The following UNC13C variants were observed in gnomAD, a reference collection of about 807,000 sequenced individuals.
UNC13C encodes unc-13 homolog C, also known as protein unc-13 homolog C.
UNC13C carries 174 observed loss-of-function variants against 245.4 expected under a neutral mutation model. The observed-to-expected ratio is 0.71, with a 90% CI of 0.63 to 0.80. The LOEUF (loss-of-function observed/expected upper bound fraction) is 0.80, where lower values mean the gene tolerates loss of function less well. UNC13C is among the 30% of genes least tolerant of loss of function. The pLI is 0.00. For missense variants in UNC13C, 2,829 were observed against 2,602.9 expected, an observed-to-expected ratio of 1.09 and a Z score of -1.89; for synonymous variants, 992 against 895.1, an observed-to-expected ratio of 1.11 and a Z score of -1.93.
intron 17 of UNC13C, among the ~76,000 whole-genome samples, chr15:54,353,618 G>C (rs2039032460): frequency 1.3e-5 from 2 of 152,040 alleles, no homozygotes; most frequent in African/African-American, 4.8e-5. Flanking sequence ...CTAAACCAAT[G>C]GTCAATCATC....
chr15:54,386,778 G>T (rs1360966195), intron 17 of UNC13C, among the ~76,000 whole-genome samples: 1 of 152,150 alleles, frequency 6.6e-6, no homozygotes, highest in East Asian at 1.9e-4. Flanking sequence ...ATATGCCTCT[G>T]TTGCTGCTTT....
intron 10 of UNC13C, among the ~76,000 whole-genome samples, chr15:54,274,450 ATTG>A (rs1304823582): frequency 6.6e-6 from 1 of 152,124 alleles, no homozygotes; most frequent in East Asian, 1.9e-4. Context: ...TGTCATTATG[ATTG>A]TTGTTATCAT....
At position 54,612,467 on chromosome 15, in the gene UNC13C, T is replaced by C. The variant is rs143736591; in HGVS notation, c.6107-9860T>C. 5.3e-5 allele frequency among the ~76,000 whole-genome samples: 8 copies of C among 152,146 alleles called. No individual in the cohort carries two copies. The East Asian group carries it at 1.5e-3, about 29-fold the overall frequency. ...ACAAAACATTTTCCCAGTTGACAGA[T>C]GGATTTACAAATGTTTTTTGTTTTT... On this transcript the variant is annotated intron_variant, in intron 30 of 32. Coordinates refer to ENST00000260323, the MANE Select transcript of UNC13C (RefSeq NM_001080534.3).
intron 19 of UNC13C, among the ~76,000 whole-genome samples, chr15:54,457,194 A>G (rs1408919489): frequency 2.6e-5 from 4 of 152,076 alleles, no homozygotes; most frequent in African/African-American, 7.2e-5. Flanking sequence ...TGACTTGCAT[A>G]TGTTAAACCA....
At chr15:54,515,810 G>A (rs1894948991) in intron 24 of UNC13C, among the ~76,000 whole-genome samples, 1 of 152,146 alleles carries the variant, frequency 6.6e-6, no homozygotes, top group Admixed American at 6.5e-5. Context: ...GTTGACCACA[G>A]GCAGCTCCAT....
At chr15:53,855,918 C>A in the UNC13C span, among the ~76,000 whole-genome samples, 3 of 151,996 alleles carry the variant, frequency 2.0e-5, no homozygotes, top group East Asian at 3.9e-4. Flanking sequence ...GTCCATATGA[C>A]CCTGGGCTTT....
intron 13 of UNC13C, among the ~76,000 whole-genome samples, chr15:54,306,698 T>C (rs1208583221): frequency 2.0e-5 from 3 of 151,990 alleles, no homozygotes; most frequent in Admixed American, 2.0e-4. Flanking sequence ...GGCTAAGATG[T>C]CTCACAAAGT....
chr15:53,935,404 C>T, the UNC13C span, among the ~76,000 whole-genome samples: 1 of 152,008 alleles, frequency 6.6e-6, no homozygotes, highest in Non-Finnish European at 1.5e-5. Context: ...GTTCTAGATC[C>T]ATGAAAAACT....
At chr15:53,997,339 A>G (rs1894681650) in intron 1 of UNC13C, among the ~76,000 whole-genome samples, 1 of 152,100 alleles carries the variant, frequency 6.6e-6, no homozygotes, top group Non-Finnish European at 1.5e-5. Flanking sequence ...GTGCATTGCA[A>G]AGTCAATCTG....
At chr15:54,195,478 C>T (rs1055191210) in intron 4 of UNC13C, among the ~76,000 whole-genome samples, 3 of 152,074 alleles carry the variant, frequency 2.0e-5, no homozygotes, top group Non-Finnish European at 4.4e-5. Context: ...GTGTGGTCAA[C>T]CCTGTACTGT....
chr15:54,507,269 T>A, intron 23 of UNC13C, 75 bp downstream of exon 23: 2 of 994,832 alleles, frequency 2.0e-6, no homozygotes, highest in Non-Finnish European at 3.0e-6. Flanking sequence ...GTAAGCAAGA[T>A]AAATTGTTGA....
intron 4 of UNC13C, among the ~76,000 whole-genome samples, chr15:54,212,313 T>C (rs2034905596): frequency 1.3e-5 from 2 of 152,044 alleles, no homozygotes; most frequent in Admixed American, 1.3e-4. Context: ...TTCAGGTAGA[T>C]GTTTGTATCA....
chr15:54,284,733 C>A (rs952088276), intron 10 of UNC13C, among the ~76,000 whole-genome samples: 2 of 152,096 alleles, frequency 1.3e-5, no homozygotes, highest in Non-Finnish European at 2.9e-5. Context: ...GCAAAATGAA[C>A]ACGGGGTATT....
the UNC13C span, among the ~76,000 whole-genome samples, chr15:53,931,517 G>A: frequency 2.0e-5 from 3 of 151,978 alleles, no homozygotes; most frequent in Non-Finnish European, 4.4e-5. Context: ...TGGGTGGGGT[G>A]TATGCATATG....
chr15:54,329,930 C>T (rs1201885035), intron 14 of UNC13C, among the ~76,000 whole-genome samples: 1 of 152,048 alleles, frequency 6.6e-6, no homozygotes, highest in African/African-American at 2.4e-5. Flanking sequence ...CCCCTTTGCT[C>T]CCCAACTCAT....
chr15:54,525,363 C>T (rs987369055), intron 24 of UNC13C, among the ~76,000 whole-genome samples, 186 bp from the exon 25 acceptor site: 1 of 151,358 alleles, frequency 6.6e-6, no homozygotes, highest in African/African-American at 2.4e-5. Flanking sequence ...TATGAGAACC[C>T]CTTGGTTTCT....
chr15:54,056,863 C>A (rs1400913159), intron 2 of UNC13C, among the ~76,000 whole-genome samples: 3 of 152,084 alleles, frequency 2.0e-5, no homozygotes, highest in African/African-American at 7.2e-5. Context: ...CCAAACTAAG[C>A]TTCATAAGTG....
intron 30 of UNC13C, among the ~76,000 whole-genome samples, chr15:54,586,591 T>G (rs1898503644): frequency 6.6e-6 from 1 of 152,182 alleles, no homozygotes; most frequent in Non-Finnish European, 1.5e-5. Context: ...AAAGTCACAT[T>G]GGAGGGTGGG....
upstream of UNC13C, among the ~76,000 whole-genome samples, chr15:53,975,858 C>T (rs1248657801): frequency 6.6e-6 from 1 of 152,108 alleles, no homozygotes; most frequent in Non-Finnish European, 1.5e-5. Flanking sequence ...TTAATCCAAC[C>T]ATCTATAAGT....
Sources: allele counts gnomAD v4.1 joint callset (sites outside exome capture counted in the v4.1 genomes callset), GRCh38; gene constraint gnomAD v4.1.1; transcripts MANE v1.5; gene names NCBI Gene and HGNC (gene_info 2026-07-23, HGNC 2026-07-21).